Variants in PTGER3 observed in about 807,000 individuals in gnomAD.
The protein encoded by PTGER3 is prostaglandin E receptor 3.
A neutral mutation model predicts 34.7 loss-of-function variants in PTGER3; 22 were observed. That is an observed-to-expected ratio of 0.63 (90% CI 0.45 to 0.91). The LOEUF is 0.91. Among genes scored for constraint, PTGER3 ranks in the 40% least tolerant of loss-of-function variants. The pLI, the probability that PTGER3 is intolerant of heterozygous loss-of-function variation, is 0.00. For synonymous variants in PTGER3, 241 were observed against 230.1 expected (o/e 1.05, Z -0.43); for missense variants, 468 against 519.4 (o/e 0.90, Z 0.96).
chr1:71,046,307 C>A (rs3932455), intron 1 of PTGER3, among the ~76,000 whole-genome samples: 27,027 of 116,338 alleles, frequency 0.23, 3,185 homozygotes, highest in East Asian at 0.44. Flanking sequence ...AAAAAAAAAA[C>A]CCCACAATAT....
intron 4 of PTGER3, among the ~76,000 whole-genome samples, chr1:70,863,300 C>T (rs1645968367): frequency 6.6e-6 from 1 of 152,068 alleles, no homozygotes; most frequent in Admixed American, 6.5e-5. Context: ...AGTGTGATAT[C>T]ACCTACAAAT....
intron 4 of PTGER3, among the ~76,000 whole-genome samples, chr1:70,922,697 A>G (rs1400069626): frequency 6.6e-6 from 1 of 152,348 alleles, no homozygotes; most frequent in South Asian, 2.1e-4. Flanking sequence ...AACCAGTTCT[A>G]TACACAAGGG....
chr1:70,859,234 A>G (rs531471238), intron 4 of PTGER3, among the ~76,000 whole-genome samples: 2 of 152,382 alleles, frequency 1.3e-5, no homozygotes, highest in Admixed American at 1.3e-4. Context: ...GCAAAGAATG[A>G]ATTAAATAAT....
Position 71,006,977 on chromosome 1 carries a change from C to T in PTGER3, c.1077+5328G>A, listed in dbSNP as rs557139763. Reference sequence around the variant, plus strand: ...GCAAAAGTCTAACGTACTTTTCATACGCTCTTTTATTTTTTGTCTCCACAG... The same window carrying T: ...GCAAAAGTCTAACGTACTTTTCATATGCTCTTTTATTTTTTGTCTCCACAG... On this transcript the variant is annotated intron_variant, in intron 2 of 3. Coordinates refer to ENST00000306666, the MANE Select transcript of PTGER3 (RefSeq NM_198719.2). The T allele has an allele frequency of 7.1e-5, 70 of 985,504 alleles. No homozygotes were observed. The African/African-American group carries it at 7.2e-4, about 10-fold the overall frequency. 61.0% of individuals were successfully genotyped at this position (985,504 alleles called of 1,614,324 possible). A position where few individuals can be genotyped will look rare whatever the true frequency, so the allele number is the denominator to read the frequency against.
At chr1:70,901,323 G>A (rs1037035919) in intron 4 of PTGER3, among the ~76,000 whole-genome samples, 1 of 152,182 alleles carries the variant, frequency 6.6e-6, no homozygotes, top group African/African-American at 2.4e-5. Context: ...GTGGAGGTTG[G>A]ATATGAAGAA....
chr1:71,032,206 C>T (rs1193868006), intron 1 of PTGER3, among the ~76,000 whole-genome samples: 1 of 152,130 alleles, frequency 6.6e-6, no homozygotes, highest in Non-Finnish European at 1.5e-5. Flanking sequence ...ATGGAGTATT[C>T]GTGAGATTTT....
intron 4 of PTGER3, among the ~76,000 whole-genome samples, chr1:70,896,096 A>C (rs1247793636): frequency 6.6e-6 from 1 of 152,218 alleles, no homozygotes; most frequent in Non-Finnish European, 1.5e-5. Flanking sequence ...AAAATGATGA[A>C]GATAGTAGGA....
chr1:70,935,984 A>G (rs950279039), intron 4 of PTGER3, among the ~76,000 whole-genome samples: 3 of 152,204 alleles, frequency 2.0e-5, no homozygotes, highest in African/African-American at 7.2e-5. Flanking sequence ...TAACGCTGTG[A>G]GAGCACCAAG....
intron 3 of PTGER3, 70 bp from the exon 4 acceptor site, chr1:70,971,803 G>A: frequency 9.9e-7 from 1 of 1,005,290 alleles, no homozygotes; most frequent in Non-Finnish European, 1.5e-6. Flanking sequence ...TTTGTGTATG[G>A]TGTGAGGAGT....
intron 4 of PTGER3, among the ~76,000 whole-genome samples, chr1:70,878,055 T>C (rs570899069): frequency 1.2e-4 from 18 of 152,042 alleles, no homozygotes; most frequent in Non-Finnish European, 2.2e-4. Context: ...ATGGATGTCA[T>C]AGGTTTGTAA....
chr1:71,011,631 A>G, intron 2 of PTGER3: 1 of 983,260 alleles, frequency 1.0e-6, no homozygotes, highest in Non-Finnish European at 1.2e-6. Context: ...CCTAATTATC[A>G]ATCCAAGTAA....
intron 4 of PTGER3, among the ~76,000 whole-genome samples, chr1:70,935,793 A>T (rs1427093354): frequency 6.6e-6 from 1 of 151,642 alleles, no homozygotes; most frequent in Non-Finnish European, 1.5e-5. Context: ...AGATATTGGG[A>T]TGGGTGGAGA....
At chr1:71,045,883 T>C (rs558189546) in intron 1 of PTGER3, among the ~76,000 whole-genome samples, 13 of 152,012 alleles carry the variant, frequency 8.6e-5, no homozygotes, top group African/African-American at 2.7e-4. Context: ...TCATCAAGAA[T>C]GAACCTTGAA....
intron 1 of PTGER3, among the ~76,000 whole-genome samples, chr1:71,045,126 T>C (rs1660644788): frequency 6.6e-6 from 1 of 152,200 alleles, no homozygotes; most frequent in African/African-American, 2.4e-5. Flanking sequence ...TACAGCGACT[T>C]GTGGGCAGTT....
chr1:70,977,143 T>C (rs1293737199), intron 2 of PTGER3, among the ~76,000 whole-genome samples: 1 of 152,144 alleles, frequency 6.6e-6, no homozygotes, highest in South Asian at 2.1e-4. Flanking sequence ...ATCTTCCAAT[T>C]TGAATTTAAC....
intron 4 of PTGER3, among the ~76,000 whole-genome samples, chr1:70,925,008 T>G (rs1192340674): frequency 1.3e-5 from 2 of 152,174 alleles, no homozygotes; most frequent in Non-Finnish European, 2.9e-5. Context: ...AGTGTTAACA[T>G]GATTGGATTG....
Position 70,913,090 on chromosome 1 carries a change from A to G in PTGER3, c.*23+40673T>C, listed in dbSNP as rs577424425. 1.4e-4 allele frequency among the ~76,000 whole-genome samples: 22 copies of G among 152,046 alleles called. No homozygotes were observed. The South Asian group carries it at 4.3e-3, about 30-fold the overall frequency. ...ATAGATAAGTTTTGAGAGGATTTCC[A>G]TCTTAGCAATATTTAATTTTTCATT... On this transcript the variant is annotated intron_variant, in intron 4 of 4. Transcript: ENST00000370931.
intron 2 of PTGER3, chr1:71,006,986 A>G (rs1051079247): frequency 7.3e-5 from 72 of 985,576 alleles, no homozygotes; most frequent in Non-Finnish European, 8.7e-5. Flanking sequence ...ACGCTCTTTT[A>G]TTTTTTGTCT....
chr1:70,893,281 G>A (rs2100289534), intron 4 of PTGER3, among the ~76,000 whole-genome samples: 1 of 152,318 alleles, frequency 6.6e-6, no homozygotes, highest in Non-Finnish European at 1.5e-5. Flanking sequence ...GATGCTTAAA[G>A]AGTCTGAGAC....
Sources: allele counts gnomAD v4.1 joint callset (sites outside exome capture counted in the v4.1 genomes callset), GRCh38; gene constraint gnomAD v4.1.1; transcripts MANE v1.5; gene names NCBI Gene and HGNC (gene_info 2026-07-23, HGNC 2026-07-21).